Variants in FTO observed in about 807,000 individuals in gnomAD.
The protein encoded by FTO is alpha-ketoglutarate-dependent dioxygenase FTO.
A neutral mutation model predicts 63.9 loss-of-function variants in FTO; 47 were observed. The ratio of observed to expected loss-of-function variants is 0.74; its 90% CI spans 0.58 to 0.94. FTO has a LOEUF of 0.94. Among genes scored for constraint, FTO ranks in the 40% least tolerant of loss-of-function variants. FTO has a pLI of 0.00. For missense variants in FTO, 562 were observed against 618.1 expected (o/e 0.91, Z 0.96); for synonymous variants, 207 against 224.4 (o/e 0.92, Z 0.69).
intron 1 of FTO, among the ~76,000 whole-genome samples, chr16:53,766,487 T>A (rs2077206766): frequency 6.6e-6 from 1 of 152,122 alleles, no homozygotes; most frequent in Non-Finnish European, 1.5e-5. Flanking sequence ...TGCTCCAAAG[T>A]GCTGGGATTA....
intron 8 of FTO, chr16:53,991,565 A>AT (rs1232762940): frequency 5.3e-5 from 8 of 152,148 alleles, no homozygotes; most frequent in African/African-American, 1.9e-4. Flanking sequence ...CTTTAACACA[A>AT]TTTTTTACCT....
chr16:53,855,207 C>G (rs2079950340), intron 4 of FTO, among the ~76,000 whole-genome samples: 1 of 151,968 alleles, frequency 6.6e-6, no homozygotes, highest in Admixed American at 6.6e-5. Flanking sequence ...TTAGGATTTT[C>G]TACCTACACA....
At chr16:54,002,314 C>G (rs1397880607) in intron 8 of FTO, among the ~76,000 whole-genome samples, 1 of 152,214 alleles carries the variant, frequency 6.6e-6, no homozygotes, top group African/African-American at 2.4e-5. Flanking sequence ...GCCACTGTGT[C>G]TGGCCACAAT....
chr16:53,821,333 CTTCTTCATCAT>C (rs968779749), intron 2 of FTO, among the ~76,000 whole-genome samples: 3 of 152,144 alleles, frequency 2.0e-5, no homozygotes, highest in African/African-American at 7.2e-5. Context: ...TTCTTCATCA[CTTCTTCATCAT>C]TGCTTTGAGT....
At chr16:53,718,476 G>T (rs1366950249) in intron 1 of FTO, among the ~76,000 whole-genome samples, 1 of 151,534 alleles carries the variant, frequency 6.6e-6, no homozygotes, top group Non-Finnish European at 1.5e-5. Flanking sequence ...AATATAATTT[G>T]TTTTTTCCTC....
intron 8 of FTO, among the ~76,000 whole-genome samples, chr16:54,053,239 C>T (rs576800460): frequency 1.3e-5 from 2 of 152,342 alleles, no homozygotes; most frequent in South Asian, 2.1e-4. Context: ...GCTCATCATA[C>T]ATCTATGGGG....
At chr16:53,938,969 G>A (rs1277331118) in intron 8 of FTO, among the ~76,000 whole-genome samples, 2 of 152,106 alleles carry the variant, frequency 1.3e-5, no homozygotes, top group East Asian at 1.9e-4. Flanking sequence ...TTGGTGGCGG[G>A]TGCCTGTAGT....
intron 8 of FTO, among the ~76,000 whole-genome samples, chr16:54,015,153 C>G (rs902453184): frequency 6.6e-6 from 1 of 152,178 alleles, no homozygotes; most frequent in Non-Finnish European, 1.5e-5. Flanking sequence ...GCATGAGCCA[C>G]CATGCCCAGT....
intron 8 of FTO, among the ~76,000 whole-genome samples, chr16:54,092,771 A>C (rs2086422544): frequency 1.3e-5 from 2 of 152,200 alleles, no homozygotes; most frequent in African/African-American, 2.4e-5. Flanking sequence ...AATTGCTTCT[A>C]GTCTTTATTT....
chr16:53,945,707 C>A (rs934643239), intron 8 of FTO, among the ~76,000 whole-genome samples: 1 of 152,134 alleles, frequency 6.6e-6, no homozygotes, highest in African/African-American at 2.4e-5. Flanking sequence ...TCTGTCATTT[C>A]TTTTATATTG....
At chr16:53,766,351 G>T (rs1479996568) in intron 1 of FTO, among the ~76,000 whole-genome samples, 1 of 152,054 alleles carries the variant, frequency 6.6e-6, no homozygotes, top group African/African-American at 2.4e-5. Context: ...TTAGTCTCCT[G>T]AGTAGCTGTG....
chr16:53,957,406 A>G (rs557840661), intron 8 of FTO, among the ~76,000 whole-genome samples: 72 of 152,326 alleles, frequency 4.7e-4, no homozygotes, highest in African/African-American at 1.7e-3. Context: ...GAATTTCTTC[A>G]TGGTTCATTG....
rs187801299 is a variant in FTO at position 53,944,957 on chromosome 16, A to G, written c.1364+10848A>G. On this transcript the variant is annotated intron_variant, in intron 8 of 8. Transcript: ENST00000471389. The stretch of plus-strand genomic sequence containing the variant: ...TTGCAAAATTGGTGCAGGGAAGAAC[A>G]CTAGACAGAGTTGGTGCTCTGTGCT... Among the ~76,000 whole-genome samples the G allele has an allele frequency of 1.3e-3, 199 of 152,266 alleles. 1 individual carries two copies. Among genetic ancestry groups the G allele is most frequent in the African/African-American group, 4.3e-3 (180 of 41,564 alleles).
chr16:53,719,110 G>A (rs903334830), intron 1 of FTO, among the ~76,000 whole-genome samples: 1 of 150,006 alleles, frequency 6.7e-6, no homozygotes, highest in Non-Finnish European at 1.5e-5. Flanking sequence ...TGTCAAATTT[G>A]GTATCGTATT....
intron 1 of FTO, among the ~76,000 whole-genome samples, chr16:53,743,651 C>T (rs141359707): frequency 1.2e-4 from 18 of 150,484 alleles, no homozygotes; most frequent in African/African-American, 2.7e-4. Context: ...AGCTTATTAT[C>T]GTGGGAATAC....
At chr16:54,024,878 G>T (rs556528930) in intron 8 of FTO, among the ~76,000 whole-genome samples, 2 of 152,114 alleles carry the variant, frequency 1.3e-5, no homozygotes, top group Non-Finnish European at 2.9e-5. Flanking sequence ...TAGAGTAAAT[G>T]TTTTAATAGT....
chr16:54,090,336 C>T (rs1240490480), intron 8 of FTO, among the ~76,000 whole-genome samples: 1 of 152,016 alleles, frequency 6.6e-6, no homozygotes, highest in African/African-American at 2.4e-5. Flanking sequence ...ATAGGCAGAT[C>T]CATGGAGACA....
At chr16:54,096,768 T>A (rs1417806520) in intron 8 of FTO, among the ~76,000 whole-genome samples, 1 of 152,194 alleles carries the variant, frequency 6.6e-6, no homozygotes, top group Non-Finnish European at 1.5e-5. Context: ...GGAACAATGC[T>A]TTCACTTAAG....
intron 1 of FTO, among the ~76,000 whole-genome samples, chr16:53,734,440 A>G (rs1192761330): frequency 2.0e-5 from 3 of 152,244 alleles, no homozygotes; most frequent in South Asian, 2.1e-4. Context: ...TTCCCCTAGA[A>G]TAGAAAAGTA....
Sources: allele counts gnomAD v4.1 joint callset (sites outside exome capture counted in the v4.1 genomes callset), GRCh38; gene constraint gnomAD v4.1.1; transcripts MANE v1.5; gene names NCBI Gene and HGNC (gene_info 2026-07-23, HGNC 2026-07-21).